Variants in RAPGEF2 observed in about 807,000 individuals in gnomAD.
RAPGEF2 encodes the protein Rap guanine nucleotide exchange factor 2, also known as PDZ domain containing guanine nucleotide exchange factor (GEF) 1.
In RAPGEF2, 54 loss-of-function variants were observed where a neutral mutation model predicts 186.7. The observed-to-expected ratio is 0.29, with a 90% CI of 0.23 to 0.36. The LOEUF is 0.36. RAPGEF2 is among the 10% of genes least tolerant of loss of function. RAPGEF2 has a pLI of 1.00. For missense variants in RAPGEF2, 1,532 were observed against 2,045.0 expected, an observed-to-expected ratio of 0.75 and a Z score of 4.84; for synonymous variants, 712 against 705.9, an observed-to-expected ratio of 1.01 and a Z score of -0.14.
chr4:159,164,258 C>T (rs984053818), intron 1 of RAPGEF2, among the ~76,000 whole-genome samples: 1 of 151,506 alleles, frequency 6.6e-6, no homozygotes, highest in Non-Finnish European at 1.5e-5. Flanking sequence ...CCCGCCTCAG[C>T]CTCCCAAAGT....
rs185211522 is a variant in RAPGEF2, at chr4:159,188,479, C to T, written c.140+1767C>T. Among the ~76,000 whole-genome samples, 343 of 151,928 alleles carry T rather than the reference C, an allele frequency of 2.3e-3. 2 individuals carry two copies. Among genetic ancestry groups the T allele is most frequent in the African/African-American group, 7.3e-3 (303 of 41,416 alleles). ...AGGAGTTCAACACTAGCCTGGCCAA[C>T]GTGGTGAAACCCCATCTCTACTAAA... On this transcript the variant is annotated intron_variant, in intron 2 of 29. Coordinates refer to ENST00000691494, the MANE Select transcript of RAPGEF2 (RefSeq NM_001394067.2).
At chr4:159,208,931 C>T (rs1050264614) in intron 3 of RAPGEF2, among the ~76,000 whole-genome samples, 3 of 151,604 alleles carry the variant, frequency 2.0e-5, no homozygotes, top group Non-Finnish European at 2.9e-5. Context: ...CGCCATGGCA[C>T]CCAGGCTGGA....
intron 1 of RAPGEF2, among the ~76,000 whole-genome samples, chr4:159,141,060 A>G (rs557684784): frequency 1.3e-5 from 2 of 152,182 alleles, no homozygotes; most frequent in East Asian, 1.9e-4. Context: ...CAGCCTCCCA[A>G]AGTGCTGGTA....
At chr4:159,344,838 C>T (rs1368771053) in intron 23 of RAPGEF2, among the ~76,000 whole-genome samples, 1 of 152,096 alleles carries the variant, frequency 6.6e-6, no homozygotes, top group Non-Finnish European at 1.5e-5. Flanking sequence ...GAGAGAACTG[C>T]CTTAAATGCT....
At chr4:159,173,219 A>C (rs1020907692) in intron 1 of RAPGEF2, among the ~76,000 whole-genome samples, 1 of 152,184 alleles carries the variant, frequency 6.6e-6, no homozygotes, top group African/African-American at 2.4e-5. Flanking sequence ...GGCTACAATG[A>C]AATTTTCTAT....
At chr4:159,170,409 T>C (rs1745787558) in intron 1 of RAPGEF2, among the ~76,000 whole-genome samples, 1 of 152,028 alleles carries the variant, frequency 6.6e-6, no homozygotes, top group South Asian at 2.1e-4. Context: ...AAAAAACCAA[T>C]AAACAAACAA....
chr4:159,188,038 TAGAA>T (rs1304664580), intron 2 of RAPGEF2, among the ~76,000 whole-genome samples: 1 of 151,760 alleles, frequency 6.6e-6, no homozygotes, highest in Non-Finnish European at 1.5e-5. Flanking sequence ...CAAGTTTTAT[TAGAA>T]AGGGCAAAAC....
At chr4:159,340,959 A>C (rs920559342) in intron 19 of RAPGEF2, among the ~76,000 whole-genome samples, 5 of 152,216 alleles carry the variant, frequency 3.3e-5, no homozygotes, top group Non-Finnish European at 5.9e-5. Context: ...AATAAGTATA[A>C]TACCTACTAT....
intron 9 of RAPGEF2, among the ~76,000 whole-genome samples, chr4:159,315,713 C>T (rs973011627): frequency 2.7e-4 from 41 of 152,202 alleles, no homozygotes; most frequent in African/African-American, 9.6e-4. Flanking sequence ...GCCTAGCAGC[C>T]GAGGCAGAGA....
chr4:159,170,256 G>A (rs1299807221), intron 1 of RAPGEF2, among the ~76,000 whole-genome samples: 1 of 151,828 alleles, frequency 6.6e-6, no homozygotes, highest in Non-Finnish European at 1.5e-5. Context: ...TGGGTTACTT[G>A]TGTTTTTTTG....
intron 7 of RAPGEF2, among the ~76,000 whole-genome samples, chr4:159,294,295 G>A (rs536241792): frequency 6.6e-6 from 1 of 151,972 alleles, no homozygotes; most frequent in Non-Finnish European, 1.5e-5. Context: ...ATACTCCATT[G>A]AGCATTTCTT....
At chr4:159,330,300 TA>T (rs200079063) in intron 12 of RAPGEF2, 33 bp from the exon 13 acceptor site, 10 of 1,193,578 alleles carry the variant, frequency 8.4e-6, no homozygotes, top group African/African-American at 3.2e-5. Context: ...TGTGTGTATA[TA>T]TATGTAGTAA....
In RAPGEF2 at chr4:159,200,774, C is replaced by A. The variant is rs974299594; in HGVS notation, c.197+7518C>A. 2.0e-5 allele frequency among the ~76,000 whole-genome samples: 3 copies of A among 152,066 alleles called. No individual in the cohort carries two copies. In the East Asian group the frequency reaches 5.8e-4, roughly 29 times the overall value. On this transcript the variant is annotated intron_variant, in intron 3 of 29. Coordinates refer to ENST00000691494, the MANE Select transcript of RAPGEF2 (RefSeq NM_001394067.2). ...ATCTTAAAATGGTGTTTTCTTTCTT[C>A]AGAGTTTTTAATTATAAATGAAGTA...
At chr4:159,165,408 A>T (rs1186724462) in intron 1 of RAPGEF2, among the ~76,000 whole-genome samples, 1 of 152,146 alleles carries the variant, frequency 6.6e-6, no homozygotes, top group Non-Finnish European at 1.5e-5. Context: ...TTCAGATCGG[A>T]TATGTTTTGG....
intron 4 of RAPGEF2, among the ~76,000 whole-genome samples, chr4:159,236,523 CAT>C (rs1168051580): frequency 6.6e-6 from 1 of 152,142 alleles, no homozygotes; most frequent in Non-Finnish European, 1.5e-5. Flanking sequence ...ACAATTCTAG[CAT>C]ATGTTTTTGT....
chr4:159,307,350 T>G (rs576752439), intron 8 of RAPGEF2, among the ~76,000 whole-genome samples: 36 of 152,292 alleles, frequency 2.4e-4, no homozygotes, highest in Admixed American at 1.1e-3. Flanking sequence ...TTTAAAGAGA[T>G]AGTATACTAG....
In RAPGEF2 at chr4:159,353,511, C is replaced by T. The variant is rs747955774; in HGVS notation, c.4116C>T (p.Gly1372=). 7.3e-6 allele frequency: 11 copies of T among 1,498,950 alleles called. No homozygotes were observed. In the Admixed American group the frequency reaches 1.9e-4, roughly 26 times the overall value. The allele number at this position is 1,498,950 out of a possible 1,614,324, so 92.9% of individuals were successfully genotyped here. ...SLGSYAPMSE[G]RGLYATATVI... is the part of the protein sequence containing the mutation. The stretch of plus-strand genomic sequence containing the variant: ...GGTCCTATGCACCAATGTCCGAGGG[C>T]CGAGGCTTATATGCTACAGCTACAG... The change falls in exon 28 of 30, where the codon GGC becomes GGT. Residue 1372 remains glycine, a synonymous_variant. Coordinates refer to ENST00000691494, the MANE Select transcript of RAPGEF2 (RefSeq NM_001394067.2). This position sits in a 1 kb window ranked among gnomAD's most constrained non-coding sequence, Gnocchi z 4.3.
intron 25 of RAPGEF2, among the ~76,000 whole-genome samples, chr4:159,349,805 A>G (rs1016495436): frequency 9.2e-5 from 14 of 152,294 alleles, no homozygotes; most frequent in Non-Finnish European, 1.3e-4. Context: ...GTGTTTCCAA[A>G]TTGTCCATTT....
rs1731933410 is a variant in RAPGEF2 at position 159,355,950 on chromosome 4, C to A, written c.4749C>A (p.Ala1583=). The change falls in exon 29 of 30, where the codon GCC becomes GCA. Residue 1583 remains alanine, a synonymous_variant. Coordinates refer to ENST00000691494, the MANE Select transcript of RAPGEF2 (RefSeq NM_001394067.2). ...TDFPEGHSHP[A]RKPPDYNVAL... The stretch of plus-strand genomic sequence containing the variant: ...TTCCAGAAGGGCACTCCCATCCAGC[C>A]AGGAAACCGCCGGACTACAACGTGG... The A allele has an allele frequency of 6.2e-7, 1 of 1,609,764 alleles. No individual in the cohort carries two copies. The highest frequency in any genetic ancestry group is 8.5e-7 in the Non-Finnish European group (1 of 1,178,232).
Sources: gnomAD v4.1 joint callset for allele counts (sites outside exome capture counted in the v4.1 genomes callset) on GRCh38, gnomAD v4.1.1 for gene constraint, Gnocchi (gnomAD v3.1) non-coding constraint, MANE v1.5 for transcripts, NCBI Gene and HGNC (gene_info 2026-07-23, HGNC 2026-07-21) for gene names.